The following CAPN5 variants were observed in gnomAD, a reference collection of about 807,000 sequenced individuals.
CAPN5 encodes calpain-5.
A neutral mutation model predicts 73.0 loss-of-function variants in CAPN5; 54 were observed. The observed-to-expected ratio is 0.74, with a 90% CI of 0.59 to 0.93. The LOEUF (loss-of-function observed/expected upper bound fraction) is 0.93. Among genes scored for constraint, CAPN5 ranks in the 40% least tolerant of loss-of-function variants. The pLI, the probability that CAPN5 is intolerant of heterozygous loss-of-function variation, is 0.00. For synonymous variants in CAPN5, 335 were observed against 356.9 expected (o/e 0.94, Z 0.69); for missense variants, 785 against 882.9 (o/e 0.89, Z 1.41).
chr11:77,122,829 GCTGT>G, intron 12 of CAPN5, 117 bp downstream of exon 12: 1 of 1,341,528 alleles, frequency 7.5e-7, no homozygotes, highest in Non-Finnish European at 1.0e-6. Flanking sequence ...CTGGGCTCTA[GCTGT>G]CTGTCTATCC....
At chr11:77,114,574 G>A in intron 5 of CAPN5, 140 bp downstream of exon 5, 1 of 792,640 alleles carries the variant, frequency 1.3e-6, no homozygotes, top group Non-Finnish European at 2.1e-6. Context: ...GGAGAAGTTG[G>A]AAGGTGCAAC....
intron 1 of CAPN5, among the ~76,000 whole-genome samples, chr11:77,082,565 C>T (rs1436692320): frequency 2.0e-5 from 3 of 152,146 alleles, no homozygotes; most frequent in East Asian, 1.9e-4. Flanking sequence ...GTGCAAGGGC[C>T]GGGGCCAGAA....
At chr11:77,070,335 G>A (rs1003905889) in intron 1 of CAPN5, among the ~76,000 whole-genome samples, 4 of 152,210 alleles carry the variant, frequency 2.6e-5, no homozygotes, top group Admixed American at 6.5e-5. Flanking sequence ...GGGGATGGTG[G>A]GCAGAAGGCT....
intron 12 of CAPN5, 95 bp downstream of exon 12, chr11:77,122,807 G>T: frequency 6.6e-7 from 1 of 1,515,066 alleles, no homozygotes; most frequent in Non-Finnish European, 9.0e-7. Context: ...CTCTGACGAG[G>T]ACCCAGGCAT....
intron 2 of CAPN5, among the ~76,000 whole-genome samples, chr11:77,093,437 G>A (rs1256851447): frequency 2.0e-5 from 3 of 152,202 alleles, no homozygotes; most frequent in Admixed American, 6.5e-5. Context: ...AACCTTTAGC[G>A]GAAGAGCACT....
At chr11:77,073,130 G>A (rs1949928927) in intron 1 of CAPN5, 2 of 1,289,216 alleles carry the variant, frequency 1.6e-6, no homozygotes, top group Non-Finnish European at 2.0e-6. Flanking sequence ...TGGACTGGGA[G>A]CCCCGAGGTA....
chr11:77,093,690 C>T lies in CAPN5; in HGVS notation c.174C>T (p.Cys58=), dbSNP rs782261995. 1.5e-5 allele frequency: 24 copies of T among 1,592,326 alleles called. No individual in the cohort carries two copies. The highest frequency in any genetic ancestry group is 5.4e-5 in the African/African-American group (4 of 74,672). ...AVRWKRPKGI[C]EDPRLFVDGI... ...CCTCGCCTTCTCCGCAGGGCATCTG[C>T]GAGGACCCCCGCCTCTTTGTGGATG... Residue 58 remains cysteine, a synonymous_variant, in exon 3 of 13, where the codon TGC becomes TGT. Transcript: ENST00000648180.
In CAPN5 at chr11:77,112,641, A is replaced by G; in HGVS notation, c.350A>G (p.Tyr117Cys). 1.2e-6 allele frequency: 2 copies of G among 1,614,148 alleles called. No individual in the cohort carries two copies. Among genetic ancestry groups the G allele is most frequent in the Non-Finnish European group, 1.7e-6 (2 of 1,180,018 alleles). The change falls in exon 4 of 13, where the codon TAC (tyrosine) becomes TGC (cysteine). Residue 117 changes from tyrosine (Y) to cysteine (C), a missense_variant. Coordinates refer to ENST00000648180, the MANE Select transcript of CAPN5 (RefSeq NM_004055.5). ...QEWDPEKPNA[Y>C]AGIFHFHFWR... Reference sequence around the variant, plus strand: ...TGGGACCCCGAAAAGCCCAACGCCTACGCGGGCATCTTCCACTTCCACTTC... The same window carrying G: ...TGGGACCCCGAAAAGCCCAACGCCTGCGCGGGCATCTTCCACTTCCACTTC...
In CAPN5 at chr11:77,104,610, A is replaced by G. The variant is rs1225650964; in HGVS notation, c.298-7979A>G. On this transcript the variant is annotated intron_variant, in intron 3 of 12. Coordinates refer to ENST00000648180, the MANE Select transcript of CAPN5 (RefSeq NM_004055.5). Reference sequence around the variant, plus strand: ...AGCCTCATTCCCCTTCGCATTGCGCAGTCCCAGAGAGCCCCCCCTTTTGGG... The same window carrying G: ...AGCCTCATTCCCCTTCGCATTGCGCGGTCCCAGAGAGCCCCCCCTTTTGGG... Among the ~76,000 whole-genome samples, 3 of 152,260 alleles carry G rather than the reference A, an allele frequency of 2.0e-5. No homozygotes were observed. The East Asian group carries it at 5.8e-4, about 29-fold the overall frequency.
Position 77,117,134 on chromosome 11 carries a change from G to T in CAPN5, c.971+831G>T, listed in dbSNP as rs535794287. On this transcript the variant is annotated intron_variant, in intron 7 of 12. Coordinates refer to ENST00000648180, the MANE Select transcript of CAPN5 (RefSeq NM_004055.5). ...CCCTGTAGTCTCAGCTACTCTAGAG[G>T]CTGAGAGGGGAGGATTGCTTGAGCC... Among the ~76,000 whole-genome samples, 9 of 152,260 alleles carry T rather than the reference G, an allele frequency of 5.9e-5. No individual in the cohort carries two copies. The East Asian group carries it at 1.4e-3, about 23-fold the overall frequency.
chr11:77,068,485 C>G (rs1949869355), intron 1 of CAPN5, among the ~76,000 whole-genome samples: 1 of 152,010 alleles, frequency 6.6e-6, no homozygotes, highest in Non-Finnish European at 1.5e-5. Context: ...ATCCACCAAG[C>G]AGAAAAGAAA....
At position 77,109,591 on chromosome 11, in the gene CAPN5, C is replaced by G. The variant is rs1343855018; in HGVS notation, c.298-2998C>G. On this transcript the variant is annotated intron_variant, in intron 3 of 12. Transcript: ENST00000648180. ...AATCCTTTGACATGGCCCCGGGAGTCTGTGCTGGCTTCCTTGGTTTCCGGC... is the reference window on the plus strand; with the variant it reads ...AATCCTTTGACATGGCCCCGGGAGTGTGTGCTGGCTTCCTTGGTTTCCGGC... Among the ~76,000 whole-genome samples the G allele has an allele frequency of 2.0e-5, 3 of 152,206 alleles. No individual in the cohort carries two copies. In the South Asian group the frequency reaches 6.2e-4, roughly 32 times the overall value.
At chr11:77,071,039 C>A (rs1555032972) in intron 1 of CAPN5, among the ~76,000 whole-genome samples, 1 of 152,194 alleles carries the variant, frequency 6.6e-6, no homozygotes, top group African/African-American at 2.4e-5. Context: ...TTCACAGGTT[C>A]TAGGGATTCG....
At chr11:77,089,900 C>T (rs571540295) in intron 2 of CAPN5, among the ~76,000 whole-genome samples, 1 of 152,068 alleles carries the variant, frequency 6.6e-6, no homozygotes, top group African/African-American at 2.4e-5. Flanking sequence ...AACAAACAAA[C>T]AAACAAAAAA....
Position 77,118,223 on chromosome 11 carries a change from C to A in CAPN5, c.1038C>A (p.Ser346=). ...DIIKCRVINT[S]HLSIHKTWEE... is the part of the protein sequence containing the mutation. ...TCAAGTGCCGCGTGATCAACACATC[C>A]CACCTGAGCATCCACAAGACGTGGG... Residue 346 remains serine (S), a synonymous_variant, in exon 8 of 13, where the codon TCC becomes TCA. Transcript: ENST00000648180. The A allele has an allele frequency of 6.2e-7, 1 of 1,614,194 alleles. No individual in the cohort carries two copies. Among genetic ancestry groups the A allele is most frequent in the Admixed American group, 1.7e-5 (1 of 60,016 alleles).
At chr11:77,116,663 G>C (rs534096638) in intron 7 of CAPN5, among the ~76,000 whole-genome samples, 31 of 152,324 alleles carry the variant, frequency 2.0e-4, no homozygotes, top group African/African-American at 7.5e-4. Flanking sequence ...AGCACCAGCA[G>C]TATGGTGTGG....
chr11:77,085,084 G>A (rs1555035274), intron 2 of CAPN5, 33 bp downstream of exon 2: 1 of 1,595,966 alleles, frequency 6.3e-7, no homozygotes, highest in Non-Finnish European at 8.6e-7. Flanking sequence ...AGCTGGGTGA[G>A]CGGGCCCAGG....
chr11:77,069,002 C>T (rs1949874296), intron 1 of CAPN5, among the ~76,000 whole-genome samples: 1 of 152,174 alleles, frequency 6.6e-6, no homozygotes, highest in Non-Finnish European at 1.5e-5. Flanking sequence ...GCCTGCTTTC[C>T]TGGCAGGCTG....
intron 12 of CAPN5, 149 bp from the exon 13 acceptor site, chr11:77,123,539 T>G: frequency 1.5e-6 from 1 of 680,998 alleles, no homozygotes; most frequent in Non-Finnish European, 2.6e-6. Context: ...TTGCCCGTAG[T>G]TCATGGGGAG....
Sources: allele counts gnomAD v4.1 joint callset (sites outside exome capture counted in the v4.1 genomes callset), GRCh38; gene constraint gnomAD v4.1.1; transcripts MANE v1.5; gene names NCBI Gene and HGNC (gene_info 2026-07-23, HGNC 2026-07-21).